TRMT9B: variants seen among roughly 807,000 people sequenced by gnomAD.
The protein encoded by TRMT9B is tRNA methyltransferase 9B (putative).
Under a neutral mutation model 11.5 loss-of-function variants are expected in TRMT9B, and 16 were observed. The observed-to-expected ratio is 1.39, with a 90% CI of 0.94 to 2.11. The LOEUF (loss-of-function observed/expected upper bound fraction) is 2.11, where lower values mean the gene tolerates loss of function less well. Ranked by LOEUF, TRMT9B falls within the 30% of genes most tolerant of loss-of-function variation. TRMT9B has a pLI of 0.00. For synonymous variants in TRMT9B, 274 were observed against 192.4 expected (o/e 1.42, Z -3.51); for missense variants, 941 against 553.8 (o/e 1.70, Z -7.02).
intron 3 of TRMT9B, chr8:13,010,275 A>G: frequency 5.5e-6 from 5 of 908,718 alleles, no homozygotes; most frequent in Non-Finnish European, 6.6e-6. Context: ...AAACTATTCA[A>G]TAAATAGGGT....
At chr8:12,950,523 C>G (rs1178157110) in intron 1 of TRMT9B, among the ~76,000 whole-genome samples, 9 of 135,816 alleles carry the variant, frequency 6.6e-5, no homozygotes, top group Admixed American at 6.5e-4. Context: ...ATACGTAAAA[C>G]CAGACTCGTG....
chr8:12,985,565 C>G (rs530153943), intron 1 of TRMT9B, among the ~76,000 whole-genome samples: 15 of 152,286 alleles, frequency 9.8e-5, no homozygotes, highest in African/African-American at 3.6e-4. Context: ...CTGTGTTACT[C>G]CTGAATTAGT....
chr8:12,995,147 T>C (rs1374887229), intron 2 of TRMT9B, among the ~76,000 whole-genome samples: 1 of 152,218 alleles, frequency 6.6e-6, no homozygotes. Context: ...ATGAACATAA[T>C]AAACTGCAAC....
rs61536433 is a variant in TRMT9B at position 12,959,516 on chromosome 8, CTTTTT to C, written c.-200+13569_-200+13573del. Among the ~76,000 whole-genome samples the C allele has an allele frequency of 4.5e-4, 34 of 74,930 alleles. 1 individual carries two copies. The highest frequency in any genetic ancestry group is 0.015 in the Middle Eastern group (1 of 66). The allele number at this position is 74,930 out of a possible 152,430, so 49.2% of individuals were successfully genotyped here. A position where few individuals can be genotyped will look rare whatever the true frequency, so the allele number is the denominator to read the frequency against. On this transcript the variant is annotated intron_variant, in intron 1 of 4. Transcript: ENST00000524591. The stretch of plus-strand genomic sequence containing the variant: ...TCTCCTCTCCTTTCCTTTTTCCTTC[CTTTTT>C]TTTTTTTTTTTTTTTTTTGACAGAG...
At chr8:13,018,098 T>TAAAA (rs372443756) in intron 4 of TRMT9B, among the ~76,000 whole-genome samples, 51 of 134,866 alleles carry the variant, frequency 3.8e-4, no homozygotes, top group African/African-American at 1.2e-3. Flanking sequence ...AGGACTTTCT[T>TAAAA]AAAAAAAAAA....
Position 13,021,475 on chromosome 8 carries a change from G to A in TRMT9B, c.796G>A (p.Glu266Lys), listed in dbSNP as rs767107355. The A allele has an allele frequency of 5.0e-6, 8 of 1,614,016 alleles. No individual in the cohort carries two copies. The highest frequency in any genetic ancestry group is 6.8e-6 in the Non-Finnish European group (8 of 1,179,890). ...TGAATCGACTCTGAGGAAGCAAATTGAAAGAGTAAGACCCTTGAAAAACAC... is the reference window on the plus strand; with the variant it reads ...TGAATCGACTCTGAGGAAGCAAATTAAAAGAGTAAGACCCTTGAAAAACAC... The part of the protein sequence containing the change: ...LDESTLRKQI[E>K]RVRPLKNTEV... The change falls in exon 5 of 5, where the codon GAA becomes AAA. Residue 266 changes from glutamate to lysine, a missense_variant. By Grantham distance (56) the Glu-to-Lys change is moderately conservative (BLOSUM62 1). Transcript: ENST00000524591.
intron 2 of TRMT9B, among the ~76,000 whole-genome samples, chr8:12,991,519 A>T (rs890696955): frequency 3.3e-5 from 5 of 152,208 alleles, no homozygotes; most frequent in African/African-American, 1.2e-4. Flanking sequence ...GCAGAATTTT[A>T]TGCTCTCTCT....
chr8:13,017,756 G>A (rs1813003939), intron 4 of TRMT9B, among the ~76,000 whole-genome samples: 1 of 151,242 alleles, frequency 6.6e-6, no homozygotes, highest in African/African-American at 2.4e-5. Context: ...TTGGACCATA[G>A]ACACACACCA....
chr8:13,012,504 G>C, intron 3 of TRMT9B, 180 bp from the exon 4 acceptor site: 1 of 757,398 alleles, frequency 1.3e-6, no homozygotes, highest in Non-Finnish European at 1.9e-6. Flanking sequence ...GAACCCGTGA[G>C]GCAGAGGTTG....
At chr8:12,950,058 T>G (rs896231145) in intron 1 of TRMT9B, among the ~76,000 whole-genome samples, 49 of 152,128 alleles carry the variant, frequency 3.2e-4, no homozygotes, top group Non-Finnish European at 2.9e-5. Flanking sequence ...TTCACTATGT[T>G]GCCCAAGCTG....
At chr8:12,947,770 G>A (rs1268220339) in intron 1 of TRMT9B, among the ~76,000 whole-genome samples, 1 of 152,238 alleles carries the variant, frequency 6.6e-6, no homozygotes, top group Non-Finnish European at 1.5e-5. Flanking sequence ...ATAAGCTGGA[G>A]AAATTTCATG....
At chr8:12,959,071 A>T (rs982988170) in intron 1 of TRMT9B, among the ~76,000 whole-genome samples, 2 of 152,246 alleles carry the variant, frequency 1.3e-5, no homozygotes, top group African/African-American at 4.8e-5. Context: ...GTGCACATGT[A>T]CCCTAGAACT....
rs1563315266 is a variant in TRMT9B at position 12,960,944 on chromosome 8, CA to C, written c.-200+14979del. Among the ~76,000 whole-genome samples, 8 of 152,070 alleles carry C rather than the reference CA, an allele frequency of 5.3e-5. No homozygotes were observed. The South Asian group carries it at 1.7e-3, about 32-fold the overall frequency. On this transcript the variant is annotated intron_variant, in intron 1 of 4. Coordinates refer to ENST00000524591, the MANE Select transcript of TRMT9B (RefSeq NM_020844.3). ...GATCACGAGGTCAAGAGACCTAGAC[CA>C]TCCTGGCCAAAGTAGTGAAACCTTG...
intron 1 of TRMT9B, among the ~76,000 whole-genome samples, chr8:12,989,812 G>T (rs1585230168): frequency 6.6e-6 from 1 of 152,330 alleles, no homozygotes; most frequent in African/African-American, 2.4e-5. Flanking sequence ...TGCTTTGGTA[G>T]CTCTTTCAAA....
intron 1 of TRMT9B, among the ~76,000 whole-genome samples, chr8:12,962,979 A>G (rs188549467): frequency 7.2e-4 from 109 of 152,324 alleles, no homozygotes; most frequent in African/African-American, 2.6e-3. Context: ...TTGTAGCCAC[A>G]TGATTTGGGG....
chr8:12,976,262 A>C (rs142522368), intron 1 of TRMT9B, among the ~76,000 whole-genome samples: 248 of 152,300 alleles, frequency 1.6e-3, no homozygotes, highest in African/African-American at 5.8e-3. Flanking sequence ...TTCCACATGC[A>C]GCTTAACTGA....
At position 13,023,364 on chromosome 8, in the gene TRMT9B, G is replaced by C. The variant is rs1055613632; in HGVS notation, c.*1320G>C. The C allele has an allele frequency of 1.2e-5, 2 of 167,030 alleles. No homozygotes were observed. Among genetic ancestry groups the C allele is most frequent in the East Asian group, 3.9e-4 (2 of 5,188 alleles). The allele number at this position is 167,030 out of a possible 1,614,324, so 10.3% of individuals were successfully genotyped here. On this transcript the variant is annotated 3_prime_UTR_variant, in exon 5 of 5. Transcript: ENST00000524591. ...TGGATTTGCTGTATCCTTTAAAATA[G>C]TATCTGGGCATTTATTTTATTGAAG...
intron 1 of TRMT9B, among the ~76,000 whole-genome samples, chr8:12,959,314 G>A (rs550448899): frequency 9.2e-5 from 14 of 152,144 alleles, no homozygotes; most frequent in South Asian, 8.3e-4. Flanking sequence ...GACAGATTGC[G>A]GTCAAAACGC....
chr8:13,010,754 A>G lies in TRMT9B; in HGVS notation c.155-1930A>G, dbSNP rs1482695732. On this transcript the variant is annotated intron_variant, in intron 3 of 4. Coordinates refer to ENST00000524591, the MANE Select transcript of TRMT9B (RefSeq NM_020844.3). Reference sequence around the variant, plus strand: ...GTATCCCTCGAGCCAATGAAAAAGCAAATGAATTGCAAGGTTATTTTTCTT... The same window carrying G: ...GTATCCCTCGAGCCAATGAAAAAGCGAATGAATTGCAAGGTTATTTTTCTT... 8.1e-6 allele frequency: 8 copies of G among 984,234 alleles called. No individual in the cohort carries two copies. The South Asian group carries it at 2.8e-4, about 35-fold the overall frequency. The allele number at this position is 984,234 out of a possible 1,614,324, so 61.0% of individuals were successfully genotyped here.
Sources: allele counts gnomAD v4.1 joint callset (sites outside exome capture counted in the v4.1 genomes callset), GRCh38; gene constraint gnomAD v4.1.1; transcripts MANE v1.5; gene names NCBI Gene and HGNC (gene_info 2026-07-23, HGNC 2026-07-21).